Variants in SMARCA5 observed in about 807,000 individuals in gnomAD.
SMARCA5 encodes the protein SNF2 related chromatin remodeling ATPase 5, also known as SWI/SNF-related matrix-associated actin-dependent regulator of chromatin subfamily A member 5.
Under a neutral mutation model 140.4 loss-of-function variants are expected in SMARCA5, and 18 were observed. The observed-to-expected ratio is 0.13, with a 90% confidence interval of 0.09 to 0.19. The LOEUF is 0.19. Among genes scored for constraint, SMARCA5 ranks in the 10% least tolerant of loss-of-function variants. The pLI, the probability that SMARCA5 is intolerant of heterozygous loss-of-function variation, is 1.00. For missense variants in SMARCA5, 606 were observed against 1,276.8 expected, an observed-to-expected ratio of 0.47 and a Z score of 8.01; for synonymous variants, 449 against 419.6, an observed-to-expected ratio of 1.07 and a Z score of -0.86.
chr4:143,541,373 G>T (rs1737422832), intron 14 of SMARCA5, among the ~76,000 whole-genome samples: 1 of 152,120 alleles, frequency 6.6e-6, no homozygotes, highest in Admixed American at 6.6e-5. Flanking sequence ...TCTTGATTTT[G>T]TCAGTCTCTG....
chr4:143,533,446 A>G (rs775133858), intron 9 of SMARCA5, among the ~76,000 whole-genome samples: 1 of 151,156 alleles, frequency 6.6e-6, no homozygotes, highest in African/African-American at 2.4e-5. Flanking sequence ...AAGTTAGTAC[A>G]TTAAGTTTAA....
rs1165299395 is a variant in SMARCA5, at chr4:143,553,957, A to T, written c.*773A>T. On this transcript the variant is annotated 3_prime_UTR_variant, in exon 24 of 24. Transcript: ENST00000283131. ...TTCTGAAGCAGCCACAACTTAGATA[A>T]TGTCAGAACTAAGGTGATTTTTTTT... 1 of 147,166 alleles carries T rather than the reference A, an allele frequency of 6.8e-6. No homozygotes were observed. Among genetic ancestry groups the T allele is most frequent in the Non-Finnish European group, 1.5e-5 (1 of 66,886 alleles). The allele number at this position is 147,166 out of a possible 1,614,324, so 9.1% of individuals were successfully genotyped here.
intron 14 of SMARCA5, among the ~76,000 whole-genome samples, chr4:143,541,479 T>C (rs979639084): frequency 6.6e-6 from 1 of 152,332 alleles, no homozygotes; most frequent in Non-Finnish European, 1.5e-5. Context: ...CAATAAATTA[T>C]TGCTTATTTT....
intron 4 of SMARCA5, among the ~76,000 whole-genome samples, chr4:143,525,045 C>CTTTTTT (rs57339802): frequency 7.3e-6 from 1 of 137,592 alleles, no homozygotes; most frequent in Non-Finnish European, 1.6e-5. Flanking sequence ...TTTCCTATTT[C>CTTTTTT]TTTTTTTTTT....
intron 5 of SMARCA5, 94 bp from the exon 6 acceptor site, chr4:143,526,187 C>A (rs970800030): frequency 3.0e-6 from 3 of 988,526 alleles, no homozygotes; most frequent in Non-Finnish European, 4.7e-6. Flanking sequence ...AAATATGTAG[C>A]ATTTCTTTTG....
In SMARCA5 at chr4:143,525,484, T is replaced by C; in HGVS notation, c.554T>C (p.Val185Ala). The change falls in exon 5 of 24, where the codon GTC becomes GCC. Residue 185 changes from valine to alanine, a missense_variant. Transcript: ENST00000283131. ...VKWGKLRDYQVRGLNWLISLY... is the reference protein window; with the variant it reads ...VKWGKLRDYQARGLNWLISLY... The stretch of plus-strand genomic sequence containing the variant: ...TGGGGTAAACTGAGAGATTATCAGG[T>C]CCGAGGATTAAACTGGCTCATTTCT... The C allele has an allele frequency of 6.2e-7, 1 of 1,613,352 alleles. No individual in the cohort carries two copies. The highest frequency in any genetic ancestry group is 8.5e-7 in the Non-Finnish European group (1 of 1,179,290).
intron 5 of SMARCA5, among the ~76,000 whole-genome samples, chr4:143,525,855 A>G (rs1737056713): frequency 6.6e-6 from 1 of 152,218 alleles, no homozygotes; most frequent in Non-Finnish European, 1.5e-5. Flanking sequence ...ATTGTTTATA[A>G]TTGATAAATG....
chr4:143,526,574 T>G, intron 6 of SMARCA5, 114 bp downstream of exon 6: 2 of 702,316 alleles, frequency 2.8e-6, no homozygotes, highest in East Asian at 2.6e-5. Flanking sequence ...CAAATATTAG[T>G]ATTTACAAAT....
chr4:143,555,096 C>T lies in SMARCA5; in HGVS notation c.*1912C>T, dbSNP rs1286824802. On this transcript the variant is annotated 3_prime_UTR_variant, in exon 24 of 24. Coordinates refer to ENST00000283131, the MANE Select transcript of SMARCA5 (RefSeq NM_003601.4). Reference sequence around the variant, plus strand: ...CCTGGCAGTAATTAAAATCTTCTGTCAGTGCCACAGCTACTACTGCTACTG... The same window carrying T: ...CCTGGCAGTAATTAAAATCTTCTGTTAGTGCCACAGCTACTACTGCTACTG... 3 of 645,560 alleles carry T rather than the reference C, an allele frequency of 4.6e-6. No individual in the cohort carries two copies. In the East Asian group the frequency reaches 8.8e-5, roughly 19 times the overall value. The allele number at this position is 645,560 out of a possible 1,614,324, so 40.0% of individuals were successfully genotyped here.
At chr4:143,519,447 A>ATT (rs1197061001) in intron 2 of SMARCA5, among the ~76,000 whole-genome samples, 2 of 152,068 alleles carry the variant, frequency 1.3e-5, no homozygotes, top group Non-Finnish European at 2.9e-5. Flanking sequence ...GTTTCTTAAC[A>ATT]TTTTTGCAAA....
At chr4:143,530,572 A>G in intron 9 of SMARCA5, 46 bp downstream of exon 9, 4 of 1,264,618 alleles carry the variant, frequency 3.2e-6, no homozygotes, top group Middle Eastern at 1.9e-4. Flanking sequence ...GATGGGAAAA[A>G]GGATAAAGGT....
chr4:143,525,636 C>CTG, intron 5 of SMARCA5, 85 bp downstream of exon 5: 1 of 909,450 alleles, frequency 1.1e-6, no homozygotes. Context: ...CAGTCTACAA[C>CTG]TGTTAGCAAA....
At chr4:143,540,182 T>C (rs1280692656) in intron 13 of SMARCA5, among the ~76,000 whole-genome samples, 181 bp from the exon 14 acceptor site, 1 of 152,240 alleles carries the variant, frequency 6.6e-6, no homozygotes, top group African/African-American at 2.4e-5. Context: ...GGAGACATTA[T>C]GTGTTTTATC....
rs1295811395 is a variant in SMARCA5 at position 143,555,765 on chromosome 4, T to G, written c.*2581T>G. The G allele has an allele frequency of 6.1e-6, 1 of 162,938 alleles. No homozygotes were observed. Among genetic ancestry groups the G allele is most frequent in the Non-Finnish European group, 1.3e-5 (1 of 76,066 alleles). 10.1% of individuals were successfully genotyped at this position (162,938 alleles called of 1,614,324 possible). On this transcript the variant is annotated 3_prime_UTR_variant, in exon 24 of 24. Coordinates refer to ENST00000283131, the MANE Select transcript of SMARCA5 (RefSeq NM_003601.4). ...TCAGGGCTCAAGTGATCCTCCCACC[T>G]CAGCTTCCCAAGTAGCTAGGACTAC...
intron 1 of SMARCA5, among the ~76,000 whole-genome samples, chr4:143,516,724 T>C (rs1240818953): frequency 6.6e-6 from 1 of 152,222 alleles, no homozygotes; most frequent in East Asian, 1.9e-4. Flanking sequence ...GAAGATTACT[T>C]CTGCCAATTT....
intron 3 of SMARCA5, among the ~76,000 whole-genome samples, chr4:143,523,739 C>G (rs1297147210): frequency 1.3e-5 from 2 of 152,056 alleles, no homozygotes; most frequent in Non-Finnish European, 2.9e-5. Flanking sequence ...GCATAACGTG[C>G]CTTTTTCTAA....
Position 143,514,065 on chromosome 4 carries a change from T to C in SMARCA5, c.141T>C (p.Ser47=). Residue 47 remains serine (S), a synonymous_variant, in exon 1 of 24, where the codon TCT becomes TCC. Transcript: ENST00000283131. ...GCGTCGCGGCGCAGGCGGTTGCGTC[T>C]GCGGCCAGCGCTGGTCCCGCAGACG... The part of the protein sequence containing the change: ...PEGVAAQAVA[S]AASAGPADAE... The C allele has an allele frequency of 5.8e-6, 9 of 1,551,748 alleles. No homozygotes were observed. Among genetic ancestry groups the C allele is most frequent in the Non-Finnish European group, 6.9e-6 (8 of 1,157,768 alleles).
rs1382351608 is a variant in SMARCA5, at chr4:143,521,435, G to C, written c.259G>C (p.Asp87His). 19 of 1,582,588 alleles carry C rather than the reference G, an allele frequency of 1.2e-5. No homozygotes were observed. The highest frequency in any genetic ancestry group is 1.6e-5 in the Non-Finnish European group (19 of 1,167,422). Residue 87 changes from aspartate (D) to histidine (H), a missense_variant, in exon 3 of 24, where the codon GAC becomes CAC. Asp to His is a moderately conservative substitution (Grantham distance 81). Coordinates refer to ENST00000283131, the MANE Select transcript of SMARCA5 (RefSeq NM_003601.4). ...DPTYEEKMQTDRANRFEYLLK... is the reference protein window; with the variant it reads ...DPTYEEKMQTHRANRFEYLLK... Reference sequence around the variant, plus strand: ...TTAAATTTTTTTTTTTCAGCAAACTGACCGGGCAAATAGATTCGAGTATTT... The same window carrying C: ...TTAAATTTTTTTTTTTCAGCAAACTCACCGGGCAAATAGATTCGAGTATTT...
At chr4:143,547,031 A>AT (rs1197589191) in intron 20 of SMARCA5, 123 bp downstream of exon 20, 2 of 861,624 alleles carry the variant, frequency 2.3e-6, no homozygotes, top group South Asian at 2.6e-5. Flanking sequence ...CTTCTTCATT[A>AT]TTTTTTACAA....
Sources: gnomAD v4.1 joint callset for allele counts (sites outside exome capture counted in the v4.1 genomes callset) on GRCh38, gnomAD v4.1.1 for gene constraint, MANE v1.5 for transcripts, NCBI Gene and HGNC (gene_info 2026-07-23, HGNC 2026-07-21) for gene names.